The following FAM171A1 variants were observed in gnomAD, a reference collection of about 807,000 sequenced individuals.
FAM171A1 encodes the protein protein FAM171A1.
In FAM171A1, 23 loss-of-function variants were observed where a neutral mutation model predicts 74.9. The ratio of observed to expected loss-of-function variants is 0.31; its 90% CI spans 0.22 to 0.44. FAM171A1 has a LOEUF of 0.44. Among genes scored for constraint, FAM171A1 ranks in the 20% least tolerant of loss-of-function variants. FAM171A1 has a pLI of 1.00. For synonymous variants in FAM171A1, 527 were observed against 505.7 expected (o/e 1.04, Z -0.57); for missense variants, 1,162 against 1,159.2 (o/e 1.00, Z -0.03).
At chr10:15,309,039 G>A (rs1012410698) in intron 1 of FAM171A1, among the ~76,000 whole-genome samples, 1 of 152,062 alleles carries the variant, frequency 6.6e-6, no homozygotes, top group African/African-American at 2.4e-5. Flanking sequence ...TAAAATCTTA[G>A]CATGAACAAC....
intron 3 of FAM171A1, among the ~76,000 whole-genome samples, chr10:15,265,372 T>C (rs1445273520): frequency 1.3e-5 from 2 of 151,804 alleles, no homozygotes; most frequent in African/African-American, 4.8e-5. Context: ...CCAGTACTTT[T>C]GGAGTCCAGG....
chr10:15,326,317 CT>C (rs200106956), intron 1 of FAM171A1, among the ~76,000 whole-genome samples: 7 of 148,362 alleles, frequency 4.7e-5, no homozygotes, highest in East Asian at 2.0e-4. Context: ...TCCCACAATT[CT>C]TTTTTTTTTG....
At chr10:15,347,482 A>C (rs1297063009) in intron 1 of FAM171A1, among the ~76,000 whole-genome samples, 3 of 152,194 alleles carry the variant, frequency 2.0e-5, no homozygotes, top group Admixed American at 1.3e-4. Flanking sequence ...TGCATATAAT[A>C]AGTATGCAAT....
At chr10:15,274,862 T>C (rs530833760) in intron 3 of FAM171A1, among the ~76,000 whole-genome samples, 75 of 152,268 alleles carry the variant, frequency 4.9e-4, no homozygotes, top group Middle Eastern at 6.8e-3. Context: ...CAAATGTCCA[T>C]CAATGATAGA....
rs1554836629 is a variant in FAM171A1 at position 15,288,830 on chromosome 10, T to TTTC, written c.98-4726_98-4725insGAA. On this transcript the variant is annotated intron_variant, in intron 1 of 7. Coordinates refer to ENST00000378116, the MANE Select transcript of FAM171A1 (RefSeq NM_001010924.2). ...CGGTAATTCTTTTTTTTTTTTTTTT[T>TTTC]TTTTTTTTTGAGACAGAGTCTCATT... 4.7e-3 allele frequency among the ~76,000 whole-genome samples: 624 copies of TTTC among 132,512 alleles called. 12 individuals carry two copies. The highest frequency in any genetic ancestry group is 0.012 in the Middle Eastern group (3 of 258). The allele number at this position is 132,512 out of a possible 152,430, so 86.9% of individuals were successfully genotyped here.
chr10:15,374,236 C>A (rs1254530212), upstream of FAM171A1, among the ~76,000 whole-genome samples: 1 of 152,218 alleles, frequency 6.6e-6, no homozygotes, highest in Non-Finnish European at 1.5e-5. Context: ...GCTGCCATCC[C>A]ATTTTGCAGA....
At position 15,213,499 on chromosome 10, in the gene FAM171A1, C is replaced by G. The variant is rs772385137; in HGVS notation, c.2089G>C (p.Gly697Arg). ...LLTEKALMELGGGKPLPHPRA... is the reference protein window; with the variant it reads ...LLTEKALMELRGGKPLPHPRA... ...GGGTGCGGAAGCGGCTTCCCACCCCCAAGCTCCATCAGGGCCTTTTCAGTC... is the reference window on the plus strand; with the variant it reads ...GGGTGCGGAAGCGGCTTCCCACCCCGAAGCTCCATCAGGGCCTTTTCAGTC... Residue 697 changes from glycine to arginine, a missense_variant, in exon 8 of 8, where the codon GGG (glycine) becomes CGG (arginine). By Grantham distance (125) the Gly-to-Arg change is moderately radical. Transcript: ENST00000378116. The surrounding 1 kb of genome is among the most constrained non-coding windows in gnomAD (Gnocchi z 6.8). 2.3e-5 allele frequency: 37 copies of G among 1,614,024 alleles called. 1 individual carries two copies. In the African/African-American group the frequency reaches 4.1e-4, roughly 18 times the overall value.
chr10:15,331,379 A>C (rs1052094187), intron 1 of FAM171A1, among the ~76,000 whole-genome samples: 3 of 152,096 alleles, frequency 2.0e-5, no homozygotes, highest in African/African-American at 7.2e-5. Flanking sequence ...CGGTCTTCTA[A>C]CTGAATTTCA....
chr10:15,372,226 A>G (rs1156622956), upstream of FAM171A1, among the ~76,000 whole-genome samples: 1 of 152,210 alleles, frequency 6.6e-6, no homozygotes, highest in Non-Finnish European at 1.5e-5. Flanking sequence ...CTCTTTGTCC[A>G]TCTTCACAAT....
At chr10:15,314,262 A>C (rs371292641) in intron 1 of FAM171A1, among the ~76,000 whole-genome samples, 40 of 152,152 alleles carry the variant, frequency 2.6e-4, no homozygotes, top group African/African-American at 9.4e-4. Flanking sequence ...ATTCCTAGCA[A>C]AAAAGAAAAA....
chr10:15,286,306 G>A (rs1336629891), intron 1 of FAM171A1, among the ~76,000 whole-genome samples: 1 of 152,118 alleles, frequency 6.6e-6, no homozygotes, highest in Non-Finnish European at 1.5e-5. Context: ...TTTAGATGGA[G>A]TTTCATTCTT....
At chr10:15,322,508 A>T (rs568042366) in intron 1 of FAM171A1, among the ~76,000 whole-genome samples, 1 of 152,214 alleles carries the variant, frequency 6.6e-6, no homozygotes, top group Non-Finnish European at 1.5e-5. Context: ...AGGGCTGATT[A>T]TCTCTAAGGT....
chr10:15,258,988 A>G (rs1052405277), intron 3 of FAM171A1, among the ~76,000 whole-genome samples: 1 of 151,974 alleles, frequency 6.6e-6, no homozygotes, highest in Non-Finnish European at 1.5e-5. Context: ...CCATGCCTGG[A>G]TTTTCCCTTG....
intron 1 of FAM171A1, among the ~76,000 whole-genome samples, chr10:15,300,319 C>T (rs985918831): frequency 7.9e-5 from 12 of 152,190 alleles, no homozygotes; most frequent in African/African-American, 2.9e-4. Context: ...TGGTCTGGGG[C>T]TGGTTTCTAG....
At position 15,324,221 on chromosome 10, in the gene FAM171A1, C is replaced by T. The variant is rs574384688; in HGVS notation, c.98-40116G>A. ...CACCAAGACATCTACTTGCTGCATG[C>T]GCAACTGAGACCCAACTTCCTTCCT... On this transcript the variant is annotated intron_variant, in intron 1 of 7. Transcript: ENST00000378116. Among the ~76,000 whole-genome samples, 7 of 152,198 alleles carry T rather than the reference C, an allele frequency of 4.6e-5. No individual in the cohort carries two copies. The South Asian group carries it at 8.3e-4, about 18-fold the overall frequency.
chr10:15,273,901 A>G (rs1834859874), intron 3 of FAM171A1, among the ~76,000 whole-genome samples: 1 of 152,206 alleles, frequency 6.6e-6, no homozygotes, highest in Non-Finnish European at 1.5e-5. Context: ...AATAAGAGCT[A>G]TTTATGACAA....
At chr10:15,226,991 C>T (rs377364702) in intron 5 of FAM171A1, among the ~76,000 whole-genome samples, 2 of 152,100 alleles carry the variant, frequency 1.3e-5, no homozygotes, top group African/African-American at 2.4e-5. Context: ...AAATCAGATA[C>T]GGAACAGTGA....
At chr10:15,279,121 G>A (rs966797938) in intron 2 of FAM171A1, among the ~76,000 whole-genome samples, 9 of 152,134 alleles carry the variant, frequency 5.9e-5, no homozygotes, top group Non-Finnish European at 1.3e-4. Context: ...TGGGGGGCTC[G>A]GAGCTCCGAA....
intron 1 of FAM171A1, among the ~76,000 whole-genome samples, chr10:15,333,190 G>A (rs142380193): frequency 1.3e-5 from 2 of 152,270 alleles, no homozygotes; most frequent in Non-Finnish European, 2.9e-5. Flanking sequence ...GGGAACTGGG[G>A]CTGCTTTAAA....
Sources: allele counts gnomAD v4.1 joint callset (sites outside exome capture counted in the v4.1 genomes callset), GRCh38; gene constraint gnomAD v4.1.1; non-coding constraint Gnocchi (gnomAD v3.1); transcripts MANE v1.5; gene names NCBI Gene and HGNC (gene_info 2026-07-23, HGNC 2026-07-21).